PLAC1: variants seen among roughly 807,000 people sequenced by gnomAD.
PLAC1 encodes the protein placenta-specific protein 1.
For synonymous variants in PLAC1, 68 were observed against 62.1 expected (o/e 1.09, Z -0.44); for missense variants, 136 against 163.2 (o/e 0.83, Z 0.91).
intron 2 of PLAC1, among the ~76,000 whole-genome samples, chrX:134,664,059 CAG>C (rs1357993793): frequency 8.9e-6 from 1 of 111,958 alleles, no homozygotes; most frequent in East Asian, 2.8e-4. Flanking sequence ...TGCACATGAG[CAG>C]AGCACATGTG....
At chrX:134,657,239 G>C (rs1017760093) in intron 1 of PLAC1, among the ~76,000 whole-genome samples, 6 of 112,027 alleles carry the variant, frequency 5.4e-5, no homozygotes, top group Non-Finnish European at 1.1e-4. Flanking sequence ...ACTTATGATG[G>C]GGCTATGTCC....
chrX:134,628,264 T>C (rs1749726299), intron 1 of PLAC1, among the ~76,000 whole-genome samples: 1 of 112,077 alleles, frequency 8.9e-6, no homozygotes, highest in African/African-American at 3.2e-5. Flanking sequence ...ATATCCACTG[T>C]GTATAGTAAA....
chrX:134,624,111 G>A lies in PLAC1; in HGVS notation c.-130-21989C>T, dbSNP rs764225548. On this transcript the variant is annotated intron_variant, in intron 1 of 2. Transcript: ENST00000359237. ...CGAGGGCCAGGAGAGCTCTTAAAAGGTTGGGAAATGGACAGAAATGACACA... is the reference window on the plus strand; with the variant it reads ...CGAGGGCCAGGAGAGCTCTTAAAAGATTGGGAAATGGACAGAAATGACACA... Among the ~76,000 whole-genome samples, 49 of 111,491 alleles carry A rather than the reference G, an allele frequency of 4.4e-4. No homozygotes were observed. In the South Asian group the frequency reaches 9.1e-3, roughly 21 times the overall value.
intron 2 of PLAC1, among the ~76,000 whole-genome samples, chrX:134,701,851 C>T (rs2078584407): frequency 1.8e-5 from 2 of 111,736 alleles, no homozygotes; most frequent in Non-Finnish European, 3.8e-5. Context: ...AACACAGTCT[C>T]TACTGAAAAT....
rs141936408 is a variant in PLAC1, at chrX:134,614,467, G to C, written c.-130-12345C>G. On this transcript the variant is annotated intron_variant, in intron 1 of 2. Transcript: ENST00000359237. ...TTTTAAAAATTCTACATATAAGTGA[G>C]ATCATTCAGTATTTTCTTTCTGTGC... Among the ~76,000 whole-genome samples, 712 of 110,939 alleles carry C rather than the reference G, an allele frequency of 6.4e-3. 6 individuals carry two copies. The highest frequency in any genetic ancestry group is 0.022 in the African/African-American group (679 of 30,477).
At chrX:134,676,251 C>T (rs1243686485) in intron 2 of PLAC1, among the ~76,000 whole-genome samples, 6 of 111,288 alleles carry the variant, frequency 5.4e-5, no homozygotes, top group Non-Finnish European at 7.5e-5. Flanking sequence ...TGGGCCATCC[C>T]CTGGTTCTCT....
chrX:134,611,696 T>C (rs1215933085), intron 1 of PLAC1, among the ~76,000 whole-genome samples: 10 of 110,369 alleles, frequency 9.1e-5, no homozygotes, highest in Non-Finnish European at 1.9e-4. Context: ...GGTAGTTAGA[T>C]GCACAGTGGA....
At chrX:134,597,873 A>G (rs937275895) in intron 2 of PLAC1, among the ~76,000 whole-genome samples, 6 of 111,597 alleles carry the variant, frequency 5.4e-5, no homozygotes, top group Non-Finnish European at 1.1e-4. Flanking sequence ...ATCTGTTCCC[A>G]CTGGTGTTTC....
chrX:134,706,884 A>G (rs748870633), intron 2 of PLAC1, among the ~76,000 whole-genome samples: 5 of 112,044 alleles, frequency 4.5e-5, no homozygotes, highest in African/African-American at 1.6e-4. Flanking sequence ...CAACAAAGAG[A>G]AAGTAGACTG....
intron 1 of PLAC1, among the ~76,000 whole-genome samples, chrX:134,634,413 G>T (rs941326955): frequency 4.5e-5 from 5 of 111,869 alleles, no homozygotes; most frequent in African/African-American, 1.6e-4. Flanking sequence ...CAATTCAGTG[G>T]TTTTTAGTAT....
chrX:134,567,774 A>T (rs1343879082), intron 2 of PLAC1, among the ~76,000 whole-genome samples: 1 of 93,050 alleles, frequency 1.1e-5, no homozygotes, highest in Non-Finnish European at 2.1e-5. Flanking sequence ...AAAAAAAAAA[A>T]GGGAAGAAAG....
intron 2 of PLAC1, among the ~76,000 whole-genome samples, chrX:134,724,998 T>C (rs1366505343): frequency 7.0e-5 from 7 of 99,307 alleles, no homozygotes; most frequent in Non-Finnish European, 1.2e-4. Context: ...CGAGACCCTG[T>C]CTCAAAAAAA....
intron 1 of PLAC1, among the ~76,000 whole-genome samples, chrX:134,603,272 TATATATATATA>T (rs2078098141): frequency 4.4e-3 from 10 of 2,291 alleles, no homozygotes; most frequent in Admixed American, 0.022. Flanking sequence ...CTGTATTTTA[TATATATATATA>T]TATATATATA....
intron 2 of PLAC1, among the ~76,000 whole-genome samples, chrX:134,675,444 T>C (rs2078470430): frequency 8.9e-6 from 1 of 111,876 alleles, no homozygotes; most frequent in Non-Finnish European, 1.9e-5. Flanking sequence ...GGCGGGTGGA[T>C]CACCTGAGGT....
intron 1 of PLAC1, among the ~76,000 whole-genome samples, chrX:134,636,271 G>A (rs1192378474): frequency 8.9e-6 from 1 of 112,021 alleles, no homozygotes; most frequent in Admixed American, 9.5e-5. Context: ...ACAAACCCTT[G>A]GCATCTTAAC....
chrX:134,697,801 G>C (rs2078569840), intron 2 of PLAC1, among the ~76,000 whole-genome samples: 1 of 112,039 alleles, frequency 8.9e-6, no homozygotes, highest in Non-Finnish European at 1.9e-5. Context: ...CGGGGCAGCA[G>C]AGGTTGCAGT....
chrX:134,716,459 A>G (rs948906300), intron 2 of PLAC1, among the ~76,000 whole-genome samples: 2 of 112,987 alleles, frequency 1.8e-5, no homozygotes, highest in African/African-American at 6.4e-5. Flanking sequence ...TATGCTAAGC[A>G]TACAGAGCCC....
chrX:134,671,776 A>C (rs1205890073), intron 2 of PLAC1, among the ~76,000 whole-genome samples: 1 of 112,064 alleles, frequency 8.9e-6, no homozygotes, highest in Non-Finnish European at 1.9e-5. Context: ...CACAAATCCA[A>C]ACCATATCAC....
At chrX:134,753,110 C>T (rs984009680) in intron 1 of PLAC1, among the ~76,000 whole-genome samples, 1 of 111,428 alleles carries the variant, frequency 9.0e-6, no homozygotes, top group South Asian at 3.8e-4. Flanking sequence ...TTTCCCACAG[C>T]CTTCTACCAA....
Sources: gnomAD v4.1 joint callset for allele counts (sites outside exome capture counted in the v4.1 genomes callset) on GRCh38, gnomAD v4.1.1 for gene constraint, MANE v1.5 for transcripts, NCBI Gene and HGNC (gene_info 2026-07-23, HGNC 2026-07-21) for gene names.